PTPRO: variants seen among roughly 807,000 people sequenced by gnomAD.
PTPRO encodes receptor-type tyrosine-protein phosphatase O.
A neutral mutation model predicts 145.2 loss-of-function variants in PTPRO; 62 were observed. That is an observed-to-expected ratio of 0.43 (90% CI 0.35 to 0.53). The LOEUF (loss-of-function observed/expected upper bound fraction) is 0.53. PTPRO is among the 20% of genes least tolerant of loss of function. The pLI, the probability that PTPRO is intolerant of heterozygous loss-of-function variation, is 0.01. For missense variants in PTPRO, 1,345 were observed against 1,482.7 expected, an observed-to-expected ratio of 0.91 and a Z score of 1.53; for synonymous variants, 565 against 514.7, an observed-to-expected ratio of 1.10 and a Z score of -1.32.
intron 19 of PTPRO, among the ~76,000 whole-genome samples, chr12:15,570,242 T>C (rs1388495852): frequency 6.6e-6 from 1 of 152,190 alleles, no homozygotes; most frequent in East Asian, 1.9e-4. Context: ...CCCCCCATCC[T>C]TCAGGTTTCT....
chr12:15,490,591 T>A (rs1463104741), intron 2 of PTPRO, among the ~76,000 whole-genome samples: 1 of 152,182 alleles, frequency 6.6e-6, no homozygotes, highest in Non-Finnish European at 1.5e-5. Flanking sequence ...AGATTTGGCC[T>A]TGTGGACTGT....
At chr12:15,535,005 C>G (rs1461052145) in intron 12 of PTPRO, among the ~76,000 whole-genome samples, 3 of 152,110 alleles carry the variant, frequency 2.0e-5, no homozygotes, top group Admixed American at 6.6e-5. Flanking sequence ...GTCCACAGAA[C>G]TTTCTGATAC....
At chr12:15,500,875 CCACGTCATTG>C (rs1942207409) in intron 4 of PTPRO, among the ~76,000 whole-genome samples, 1 of 152,066 alleles carries the variant, frequency 6.6e-6, no homozygotes, top group Non-Finnish European at 1.5e-5. Flanking sequence ...TGAGCCGAGA[CCACGTCATTG>C]CACTCTAGCC....
At chr12:15,581,865 C>A in intron 23 of PTPRO, 64 bp downstream of exon 23, 1 of 1,606,504 alleles carries the variant, frequency 6.2e-7, no homozygotes, top group South Asian at 1.1e-5. Flanking sequence ...CCAGTTTGGT[C>A]GGGGAGACCC....
At chr12:15,523,240 G>C (rs1174662956) in intron 10 of PTPRO, among the ~76,000 whole-genome samples, 1 of 152,222 alleles carries the variant, frequency 6.6e-6, no homozygotes, top group Admixed American at 6.5e-5. Flanking sequence ...TAGGGGAAAT[G>C]ATTCTTTATA....
At chr12:15,435,951 A>AT (rs1341687511) in intron 1 of PTPRO, among the ~76,000 whole-genome samples, 67 of 152,298 alleles carry the variant, frequency 4.4e-4, no homozygotes, top group African/African-American at 1.5e-3. Flanking sequence ...AAGGATCAAG[A>AT]TTTTTCCCAC....
At chr12:15,524,169 A>AC (rs1281545280) in intron 10 of PTPRO, among the ~76,000 whole-genome samples, 2 of 151,682 alleles carry the variant, frequency 1.3e-5, no homozygotes, top group Non-Finnish European at 2.9e-5. Flanking sequence ...AAAAAAAAAA[A>AC]AAAAAAAACT....
At chr12:15,494,190 T>C (rs1185467926) in intron 2 of PTPRO, among the ~76,000 whole-genome samples, 3 of 152,184 alleles carry the variant, frequency 2.0e-5, no homozygotes, top group African/African-American at 7.2e-5. Context: ...AAATATATTT[T>C]CTAATACTTT....
intron 1 of PTPRO, among the ~76,000 whole-genome samples, chr12:15,465,528 T>C (rs1054787817): frequency 6.0e-4 from 92 of 152,196 alleles, no homozygotes; most frequent in Non-Finnish European, 1.2e-3. Context: ...TTAGTAGAGT[T>C]GTATGTTTCC....
At chr12:15,400,151 C>T (rs1230309514) in intron 1 of PTPRO, among the ~76,000 whole-genome samples, 2 of 151,082 alleles carry the variant, frequency 1.3e-5, no homozygotes, top group African/African-American at 4.9e-5. Context: ...CCACCACGCC[C>T]AGCTAGTTTT....
intron 23 of PTPRO, among the ~76,000 whole-genome samples, chr12:15,585,141 G>A (rs1039503235): frequency 1.3e-5 from 2 of 152,100 alleles, no homozygotes; most frequent in Non-Finnish European, 2.9e-5. Context: ...CTTTTTAACT[G>A]AATACATTTT....
chr12:15,399,000 G>C (rs1372303621), intron 1 of PTPRO, among the ~76,000 whole-genome samples: 2 of 152,128 alleles, frequency 1.3e-5, no homozygotes, highest in Admixed American at 6.6e-5. Context: ...TAACAAAAAG[G>C]CTGAATGAAC....
In PTPRO at chr12:15,586,879, TG is replaced by T; in HGVS notation, c.3256-16del. ...GAACTGAAAAATTAATGCTTGTTTTTGGCTTTTTTCTCTAAAGGCTGACGAG... is the reference window on the plus strand; with the variant it reads ...GAACTGAAAAATTAATGCTTGTTTTTGCTTTTTTCTCTAAAGGCTGACGAG... On this transcript the variant is annotated splice_polypyrimidine_tract_variant and intron_variant, in intron 23 of 26. Coordinates refer to ENST00000281171, the MANE Select transcript of PTPRO (RefSeq NM_030667.3). 1 of 1,614,068 alleles carries T rather than the reference TG, an allele frequency of 6.2e-7. No individual in the cohort carries two copies. The highest frequency in any genetic ancestry group is 1.1e-5 in the South Asian group (1 of 91,078).
At position 15,501,692 on chromosome 12, in the gene PTPRO, G is replaced by T. The variant is rs1942224642; in HGVS notation, c.734G>T (p.Gly245Val). Residue 245 changes from glycine (G) to valine (V), a missense_variant, in exon 5 of 27, where the codon GGC becomes GTC. Coordinates refer to ENST00000281171, the MANE Select transcript of PTPRO (RefSeq NM_030667.3). ...LNKNNWEEQS[G>V]NFPEESFMRS... is the part of the protein sequence containing the mutation. ...AAAAACAACTGGGAAGAACAGAGTG[G>T]CAATTTCCCAGAAGAATCCTTCATG... 6.2e-7 allele frequency: 1 copy of T among 1,613,748 alleles called. No homozygotes were observed. Among genetic ancestry groups the T allele is most frequent in the Non-Finnish European group, 8.5e-7 (1 of 1,179,884 alleles).
chr12:15,552,087 T>C (rs1395812600), intron 15 of PTPRO, among the ~76,000 whole-genome samples: 1 of 151,966 alleles, frequency 6.6e-6, no homozygotes, highest in Admixed American at 6.5e-5. Flanking sequence ...TCCATAATTT[T>C]AAGCTGTTCT....
chr12:15,404,268 C>T (rs1939588357), intron 1 of PTPRO, among the ~76,000 whole-genome samples: 1 of 150,652 alleles, frequency 6.6e-6, no homozygotes, highest in Non-Finnish European at 1.5e-5. Context: ...ATAACAAAAT[C>T]CATCTCTCAC....
chr12:15,364,489 T>C (rs1938300658), intron 1 of PTPRO, among the ~76,000 whole-genome samples: 1 of 152,182 alleles, frequency 6.6e-6, no homozygotes, highest in Non-Finnish European at 1.5e-5. Flanking sequence ...CAACTTTCTG[T>C]CTGCTTTATT....
intron 1 of PTPRO, among the ~76,000 whole-genome samples, chr12:15,420,342 T>C (rs980740018): frequency 6.6e-6 from 1 of 151,564 alleles, no homozygotes; most frequent in African/African-American, 2.4e-5. Context: ...TCCACTCTCA[T>C]GCCAGCCACT....
intron 1 of PTPRO, among the ~76,000 whole-genome samples, chr12:15,422,545 G>A (rs747896777): frequency 3.3e-5 from 5 of 152,044 alleles, no homozygotes; most frequent in East Asian, 1.9e-4. Context: ...GATAAAGTTC[G>A]GACAAAATAC....
Sources: gnomAD v4.1 joint callset for allele counts (sites outside exome capture counted in the v4.1 genomes callset) on GRCh38, gnomAD v4.1.1 for gene constraint, MANE v1.5 for transcripts, NCBI Gene and HGNC (gene_info 2026-07-23, HGNC 2026-07-21) for gene names.